Variants in CEP85L observed in about 807,000 individuals in gnomAD.
CEP85L encodes centrosomal protein 85L.
In CEP85L, 60 loss-of-function variants were observed where a neutral mutation model predicts 100.3. That is an observed-to-expected ratio of 0.60 (90% CI 0.49 to 0.74). The LOEUF is 0.74. Among genes scored for constraint, CEP85L ranks in the 30% least tolerant of loss-of-function variants. The pLI is 0.00. For missense variants in CEP85L, 973 were observed against 936.2 expected (o/e 1.04, Z -0.51); for synonymous variants, 319 against 322.7 (o/e 0.99, Z 0.12).
At chr6:118,684,878 C>T (rs1776783193) in intron 1 of CEP85L, among the ~76,000 whole-genome samples, 1 of 152,120 alleles carries the variant, frequency 6.6e-6, no homozygotes, top group African/African-American at 2.4e-5. Flanking sequence ...TCCTGAACTG[C>T]TGGGCTCAAG....
At chr6:118,473,308 G>A (rs1329206895) in intron 10 of CEP85L, among the ~76,000 whole-genome samples, 1 of 152,010 alleles carries the variant, frequency 6.6e-6, no homozygotes, top group African/African-American at 2.4e-5. Context: ...GGAGAACAGA[G>A]CACAGTAAGG....
chr6:118,686,491 G>A (rs922777176), intron 1 of CEP85L, among the ~76,000 whole-genome samples: 4 of 152,102 alleles, frequency 2.6e-5, no homozygotes, highest in Non-Finnish European at 5.9e-5. Context: ...TTCTGTGTCT[G>A]TATTCTTTCT....
intron 1 of CEP85L, among the ~76,000 whole-genome samples, chr6:118,682,194 T>C (rs969462389): frequency 5.3e-5 from 8 of 152,238 alleles, no homozygotes; most frequent in Admixed American, 2.6e-4. Context: ...TGTTTTAACA[T>C]ATTTTCATCT....
At chr6:118,513,350 TCAGGAAGCC>T (rs1776079284) in intron 4 of CEP85L, among the ~76,000 whole-genome samples, 1 of 152,056 alleles carries the variant, frequency 6.6e-6, no homozygotes, top group Admixed American at 6.6e-5. Context: ...ACCCATAGGT[TCAGGAAGCC>T]CAGTGAACCC....
At position 118,670,871 on chromosome 6, in the gene CEP85L, T is replaced by A. The variant is rs1776285156; in HGVS notation, c.-27-18063A>T. On this transcript the variant is annotated intron_variant, in intron 1 of 13. Transcript: ENST00000368488. ...GCATCTTAGCTTGACCATGGAAATGTTCTCCTGATTAGCACCATCAGCAGG... is the reference window on the plus strand; with the variant it reads ...GCATCTTAGCTTGACCATGGAAATGATCTCCTGATTAGCACCATCAGCAGG... Among the ~76,000 whole-genome samples, 5 of 152,262 alleles carry A rather than the reference T, an allele frequency of 3.3e-5. No homozygotes were observed. The South Asian group carries it at 1.0e-3, about 32-fold the overall frequency.
chr6:118,656,622 T>A (rs547288247), upstream of CEP85L: 1 of 152,316 alleles, frequency 6.6e-6, no homozygotes, highest in Non-Finnish European at 1.5e-5. Flanking sequence ...AGCCTTTTTA[T>A]TTAATTTTAT....
chr6:118,687,691 A>C (rs1308455125), intron 1 of CEP85L, among the ~76,000 whole-genome samples: 1 of 152,044 alleles, frequency 6.6e-6, no homozygotes, highest in East Asian at 1.9e-4. Context: ...CACTCTATTA[A>C]ATCTTGCAAC....
chr6:118,651,614 CA>C, upstream of CEP85L: 2 of 1,050,746 alleles, frequency 1.9e-6, no homozygotes, highest in Non-Finnish European at 2.3e-6. Flanking sequence ...CCGGCAGAGC[CA>C]GAGCCGGGGC....
intron 5 of CEP85L, among the ~76,000 whole-genome samples, chr6:118,495,542 A>G (rs1045646181): frequency 2.6e-5 from 4 of 152,122 alleles, no homozygotes; most frequent in Non-Finnish European, 5.9e-5. Context: ...TCCACCATGA[A>G]TTTAAATTTC....
chr6:118,651,704 CGG>C, upstream of CEP85L: 1 of 361,322 alleles, frequency 2.8e-6, no homozygotes, highest in Non-Finnish European at 3.2e-6. Context: ...CTGCGGGGGG[CGG>C]GGACTGCGGG....
chr6:118,548,538 T>A (rs1778345225), intron 3 of CEP85L: 1 of 152,124 alleles, frequency 6.6e-6, no homozygotes, highest in Non-Finnish European at 1.5e-5. Context: ...GACAAAGTGC[T>A]TAAATTTATA....
Position 118,472,930 on chromosome 6 carries a change from G to A in CEP85L, c.1915-2286C>T, listed in dbSNP as rs1009138519. Among the ~76,000 whole-genome samples, 8 of 152,120 alleles carry A rather than the reference G, an allele frequency of 5.3e-5. 1 individual carries two copies. The highest frequency in any genetic ancestry group is 2.1e-4 in the South Asian group (1 of 4,834). On this transcript the variant is annotated intron_variant, in intron 10 of 12. Coordinates refer to ENST00000368491, the MANE Select transcript of CEP85L (RefSeq NM_001042475.3). ...AAATAAGCACATTTGTTGTTTTAAC[G>A]TAAGTATCCAGAAATGCCCCATTTA...
chr6:118,605,975 C>G (rs920580109), intron 2 of CEP85L, among the ~76,000 whole-genome samples: 1 of 143,820 alleles, frequency 7.0e-6, no homozygotes, highest in Admixed American at 7.1e-5. Context: ...GATCGCGCCA[C>G]TGCACTCCAG....
At chr6:118,674,160 G>C (rs1477531026) in intron 1 of CEP85L, among the ~76,000 whole-genome samples, 1 of 152,288 alleles carries the variant, frequency 6.6e-6, no homozygotes, top group South Asian at 2.1e-4. Flanking sequence ...CAAAGAGATT[G>C]TACTTAAATA....
chr6:118,686,253 A>G (rs532867235), intron 1 of CEP85L, among the ~76,000 whole-genome samples: 2 of 151,774 alleles, frequency 1.3e-5, no homozygotes, highest in East Asian at 1.9e-4. Context: ...CTTTAAATTC[A>G]CCTGTTTTAA....
intron 2 of CEP85L, among the ~76,000 whole-genome samples, chr6:118,571,668 C>T (rs1314551934): frequency 6.6e-6 from 1 of 151,518 alleles, no homozygotes; most frequent in Admixed American, 6.6e-5. Context: ...TCCCACCCTC[C>T]AGATCTACAT....
intron 2 of CEP85L, among the ~76,000 whole-genome samples, chr6:118,603,735 T>G (rs1200249846): frequency 2.0e-5 from 3 of 152,196 alleles, no homozygotes; most frequent in African/African-American, 7.2e-5. Flanking sequence ...GCTCTGAGAG[T>G]TCTGAAAGTT....
At chr6:118,667,892 A>G (rs1427701438) in intron 1 of CEP85L, among the ~76,000 whole-genome samples, 1 of 152,142 alleles carries the variant, frequency 6.6e-6, no homozygotes, top group Non-Finnish European at 1.5e-5. Flanking sequence ...TCAGTTCCAA[A>G]TGGTTCTGCA....
intron 3 of CEP85L, among the ~76,000 whole-genome samples, chr6:118,561,409 T>A (rs1779214953): frequency 6.6e-6 from 1 of 152,186 alleles, no homozygotes. Flanking sequence ...GAAATTAAAA[T>A]CTTATTCTGT....
Sources: gnomAD v4.1 joint callset for allele counts (sites outside exome capture counted in the v4.1 genomes callset) on GRCh38, gnomAD v4.1.1 for gene constraint, MANE v1.5 for transcripts, NCBI Gene and HGNC (gene_info 2026-07-23, HGNC 2026-07-21) for gene names.